SMYD3: variants seen among roughly 807,000 people sequenced by gnomAD.
SMYD3 encodes the protein histone-lysine N-methyltransferase SMYD3.
SMYD3 carries 36 observed loss-of-function variants against 57.7 expected under a neutral mutation model. That is an observed-to-expected ratio of 0.62 (90% CI 0.48 to 0.82). SMYD3 has a LOEUF of 0.82. SMYD3 is among the 40% of genes least tolerant of loss of function. The pLI, the probability that SMYD3 is intolerant of heterozygous loss-of-function variation, is 0.00. For synonymous variants in SMYD3, 211 were observed against 195.0 expected, an observed-to-expected ratio of 1.08 and a Z score of -0.68; for missense variants, 515 against 538.8, an observed-to-expected ratio of 0.96 and a Z score of 0.44.
At chr1:246,382,799 C>G (rs2066411200) in intron 1 of SMYD3, among the ~76,000 whole-genome samples, 1 of 152,156 alleles carries the variant, frequency 6.6e-6, no homozygotes, top group South Asian at 2.1e-4. Context: ...CCCATGGACT[C>G]AAACTCAAGG....
intron 10 of SMYD3, among the ~76,000 whole-genome samples, chr1:245,851,816 C>A (rs2050989862): frequency 6.6e-6 from 1 of 152,120 alleles, no homozygotes; most frequent in African/African-American, 2.4e-5. Context: ...AAGATGGGGT[C>A]CTCTGAAAGA....
intron 5 of SMYD3, among the ~76,000 whole-genome samples, chr1:246,241,112 GA>G (rs2063600458): frequency 6.6e-6 from 1 of 151,998 alleles, no homozygotes; most frequent in Non-Finnish European, 1.5e-5. Context: ...GCCCTGGCCA[GA>G]ATTTCCAACA....
intron 5 of SMYD3, among the ~76,000 whole-genome samples, chr1:245,937,160 A>G (rs1166324450): frequency 6.6e-6 from 1 of 152,194 alleles, no homozygotes; most frequent in East Asian, 1.9e-4. Flanking sequence ...CTGGCCACAA[A>G]TAAGTCTGCA....
At chr1:246,295,142 A>G (rs2064768408) in intron 5 of SMYD3, among the ~76,000 whole-genome samples, 1 of 152,156 alleles carries the variant, frequency 6.6e-6, no homozygotes, top group Non-Finnish European at 1.5e-5. Flanking sequence ...TACTAATTCT[A>G]TTAGTATTCT....
intron 5 of SMYD3, among the ~76,000 whole-genome samples, chr1:246,086,522 T>G (rs1402673563): frequency 2.0e-5 from 3 of 151,828 alleles, no homozygotes; most frequent in Non-Finnish European, 4.4e-5. Context: ...TTTCTACACT[T>G]CACTTATTAG....
rs60103366 is a variant in SMYD3 at position 246,074,913 on chromosome 1, T to TACACACAC, written c.532-144984_532-144977dup. ...CCAATATAATAGCATGCTAAAGCAA[T>TACACACAC]ACACACACACACACACACACACACA... On this transcript the variant is annotated intron_variant, in intron 5 of 11. Transcript: ENST00000490107. 4.5e-3 allele frequency among the ~76,000 whole-genome samples: 673 copies of TACACACAC among 148,466 alleles called. 2 individuals carry two copies. Among genetic ancestry groups the TACACACAC allele is most frequent in the African/African-American group, 0.014 (542 of 39,854 alleles).
intron 5 of SMYD3, among the ~76,000 whole-genome samples, chr1:246,001,588 C>G (rs958526778): frequency 6.6e-6 from 1 of 152,104 alleles, no homozygotes; most frequent in African/African-American, 2.4e-5. Context: ...GCTGGCTCTG[C>G]GAGCTGTGGT....
At chr1:246,145,247 G>T (rs1558266260) in intron 5 of SMYD3, among the ~76,000 whole-genome samples, 1 of 152,106 alleles carries the variant, frequency 6.6e-6, no homozygotes, top group African/African-American at 2.4e-5. Context: ...TGAGCTTCTG[G>T]TTCTTATTTG....
chr1:246,304,472 T>C lies in SMYD3; in HGVS notation c.531+22729A>G. 2.0e-5 allele frequency among the ~76,000 whole-genome samples: 3 copies of C among 152,164 alleles called. No individual in the cohort carries two copies. The South Asian group carries it at 6.2e-4, about 32-fold the overall frequency. On this transcript the variant is annotated intron_variant, in intron 5 of 11. Coordinates refer to ENST00000490107, the MANE Select transcript of SMYD3 (RefSeq NM_001167740.2). ...ACATATTTCTCTGAACATTAGTAAA[T>C]GACCAGCAACTGAAAATATGATAAA...
At position 245,788,384 on chromosome 1, in the gene SMYD3, G is replaced by T. The variant is rs367735166; in HGVS notation, c.1077-24235C>A. On this transcript the variant is annotated intron_variant, in intron 10 of 11. Transcript: ENST00000490107. ...GAATAGACTACAAGCTTTGTGGTCTGCATTCCTCTACTTCTACTAAGCGTT... is the reference window on the plus strand; with the variant it reads ...GAATAGACTACAAGCTTTGTGGTCTTCATTCCTCTACTTCTACTAAGCGTT... Among the ~76,000 whole-genome samples the T allele has an allele frequency of 5.3e-5, 8 of 152,358 alleles. 2 individuals carry two copies. The highest frequency in any genetic ancestry group is 1.9e-4 in the African/African-American group (8 of 41,584).
intron 5 of SMYD3, among the ~76,000 whole-genome samples, chr1:246,113,322 C>T (rs976926338): frequency 2.0e-5 from 3 of 152,048 alleles, no homozygotes; most frequent in Non-Finnish European, 4.4e-5. Flanking sequence ...AATTGCTTTT[C>T]GCTTATTAGA....
intron 5 of SMYD3, among the ~76,000 whole-genome samples, chr1:246,325,002 GAGA>G (rs1349674874): frequency 7.7e-5 from 9 of 116,336 alleles, no homozygotes; most frequent in Non-Finnish European, 1.2e-4. Flanking sequence ...GGGAAGGAGG[GAGA>G]AGGAGTCGGG....
intron 5 of SMYD3, among the ~76,000 whole-genome samples, chr1:246,259,584 G>A (rs1009826140): frequency 6.6e-6 from 1 of 152,174 alleles, no homozygotes; most frequent in African/African-American, 2.4e-5. Context: ...CATGCCAGTA[G>A]ATGATGCTTA....
At chr1:245,957,387 C>T (rs930879841) in intron 5 of SMYD3, among the ~76,000 whole-genome samples, 1 of 152,160 alleles carries the variant, frequency 6.6e-6, no homozygotes, top group Non-Finnish European at 1.5e-5. Flanking sequence ...TCACCTACTA[C>T]ACTCACTTCC....
At chr1:246,057,465 A>C (rs1421729950) in intron 5 of SMYD3, among the ~76,000 whole-genome samples, 1 of 152,330 alleles carries the variant, frequency 6.6e-6, no homozygotes, top group East Asian at 1.9e-4. Flanking sequence ...TTAAAAATGT[A>C]TGATGGATAC....
intron 5 of SMYD3, among the ~76,000 whole-genome samples, chr1:245,953,613 G>A (rs537871339): frequency 6.6e-6 from 1 of 152,170 alleles, no homozygotes; most frequent in South Asian, 2.1e-4. Context: ...TACAGACAGG[G>A]TTTCACCATC....
At chr1:245,783,887 G>A (rs2046932801) in intron 10 of SMYD3, among the ~76,000 whole-genome samples, 1 of 152,106 alleles carries the variant, frequency 6.6e-6, no homozygotes, top group Non-Finnish European at 1.5e-5. Flanking sequence ...ACAGATGAAA[G>A]ATCTAAATAA....
In SMYD3 at chr1:245,951,485, C is replaced by A. The variant is rs112246495; in HGVS notation, c.532-21548G>T. ...TCGGGAGGCTGAGGCAGGAGAATGG[C>A]GTGAACCCGGGAGGCAGAGCTTGCA... On this transcript the variant is annotated intron_variant, in intron 5 of 11. Coordinates refer to ENST00000490107, the MANE Select transcript of SMYD3 (RefSeq NM_001167740.2). Among the ~76,000 whole-genome samples the A allele has an allele frequency of 2.2e-5, 3 of 136,658 alleles. 1 individual carries two copies. In the East Asian group the frequency reaches 8.7e-4, roughly 40 times the overall value. The allele number at this position is 136,658 out of a possible 152,430, so 89.7% of individuals were successfully genotyped here.
At chr1:246,027,452 A>T (rs1202350438) in intron 5 of SMYD3, among the ~76,000 whole-genome samples, 2 of 152,234 alleles carry the variant, frequency 1.3e-5, no homozygotes, top group Non-Finnish European at 2.9e-5. Context: ...CCAGCTGGTG[A>T]CTTTAAGTTG....
Sources: gnomAD v4.1 joint callset for allele counts (sites outside exome capture counted in the v4.1 genomes callset) on GRCh38, gnomAD v4.1.1 for gene constraint, MANE v1.5 for transcripts, NCBI Gene and HGNC (gene_info 2026-07-23, HGNC 2026-07-21) for gene names.